TUSC3: variants seen among roughly 807,000 people sequenced by gnomAD.
The protein encoded by TUSC3 is tumor suppressor candidate 3.
In TUSC3, 45 loss-of-function variants were observed where a neutral mutation model predicts 44.8. The ratio of observed to expected loss-of-function variants is 1.00; its 90% confidence interval spans 0.79 to 1.29. TUSC3 has a LOEUF of 1.29. Among genes scored for constraint, TUSC3 ranks in the 50% most tolerant of loss-of-function variants. TUSC3 has a pLI of 0.00. For missense variants in TUSC3, 519 were observed against 437.9 expected (o/e 1.19, Z -1.65); for synonymous variants, 212 against 152.9 (o/e 1.39, Z -2.85).
At chr8:15,725,629 G>A (rs1051357162) in intron 6 of TUSC3, among the ~76,000 whole-genome samples, 3 of 152,066 alleles carry the variant, frequency 2.0e-5, no homozygotes, top group South Asian at 2.1e-4. Flanking sequence ...TGATGATGAC[G>A]GTAGATTACA....
At chr8:15,670,071 C>T (rs1476596764) in intron 5 of TUSC3, among the ~76,000 whole-genome samples, 2 of 151,892 alleles carry the variant, frequency 1.3e-5, no homozygotes, top group East Asian at 3.9e-4. Flanking sequence ...AAAAGATATG[C>T]ACACTGAAAA....
At chr8:15,522,818 G>C (rs921867734) in intron 2 of TUSC3, among the ~76,000 whole-genome samples, 9 of 152,102 alleles carry the variant, frequency 5.9e-5, no homozygotes, top group South Asian at 2.1e-4. Flanking sequence ...ACCTCTGACA[G>C]GCTCAAGAAT....
the TUSC3 span, among the ~76,000 whole-genome samples, chr8:15,836,026 A>AT: frequency 6.6e-6 from 1 of 151,980 alleles, no homozygotes; most frequent in Non-Finnish European, 1.5e-5. Flanking sequence ...ACTTTATTTC[A>AT]GTTTTTTTCT....
At chr8:15,784,548 GCACA>G in the TUSC3 span, among the ~76,000 whole-genome samples, 1 of 151,230 alleles carries the variant, frequency 6.6e-6, no homozygotes, top group African/African-American at 2.4e-5. Context: ...GTGTGTGTAT[GCACA>G]CACACACACC....
chr8:15,640,662 G>A (rs187393257), intron 2 of TUSC3, among the ~76,000 whole-genome samples: 47 of 152,190 alleles, frequency 3.1e-4, no homozygotes, highest in East Asian at 2.9e-3. Context: ...GCTTTTTGTC[G>A]TGGAACTGGA....
At chr8:15,537,442 T>C (rs1817083897), upstream of TUSC3, among the ~76,000 whole-genome samples, 1 of 152,294 alleles carries the variant, frequency 6.6e-6, no homozygotes, top group Non-Finnish European at 1.5e-5. Context: ...CGGGCACATG[T>C]TCTCAGGACC....
At chr8:15,539,831 T>A (rs962066473), upstream of TUSC3, among the ~76,000 whole-genome samples, 1 of 152,042 alleles carries the variant, frequency 6.6e-6, no homozygotes, top group African/African-American at 2.4e-5. Flanking sequence ...AAGGAACAGT[T>A]GTGAAGTTGT....
At chr8:15,648,517 G>A (rs1014781022) in intron 2 of TUSC3, among the ~76,000 whole-genome samples, 2 of 151,622 alleles carry the variant, frequency 1.3e-5, no homozygotes, top group Non-Finnish European at 2.9e-5. Context: ...ACGAGGTCAG[G>A]AGATCGAGAC....
chr8:15,433,320 G>C (rs545090261), intron 1 of TUSC3, among the ~76,000 whole-genome samples: 1 of 152,018 alleles, frequency 6.6e-6, no homozygotes, highest in Non-Finnish European at 1.5e-5. Flanking sequence ...GTCAAATTTG[G>C]TGTCAGTGAG....
chr8:15,492,911 A>T (rs1314042193), intron 2 of TUSC3, among the ~76,000 whole-genome samples: 1 of 152,220 alleles, frequency 6.6e-6, no homozygotes, highest in East Asian at 1.9e-4. Context: ...CTCTTCAACA[A>T]GTCCTAAAAC....
intron 1 of TUSC3, among the ~76,000 whole-genome samples, chr8:15,606,887 AC>A (rs1187077362): frequency 6.6e-6 from 1 of 151,918 alleles, no homozygotes; most frequent in African/African-American, 2.4e-5. Context: ...GTTTTAACTT[AC>A]GTTTTCCAGT....
rs139794595 is a variant in TUSC3 at position 15,602,272 on chromosome 8, G to T, written c.139-20808G>T. Among the ~76,000 whole-genome samples the T allele has an allele frequency of 2.7e-4, 41 of 151,686 alleles. 1 individual carries two copies. In the East Asian group the frequency reaches 5.2e-3, roughly 19 times the overall value. ...GAATAAATCTATTTTCTTATTGCCT[G>T]TTGTTCATGCAGAACTATTTAGCTT... On this transcript the variant is annotated intron_variant, in intron 1 of 10. Coordinates refer to ENST00000503731, the MANE Select transcript of TUSC3 (RefSeq NM_006765.4).
chr8:15,584,623 G>C (rs1803518564), intron 1 of TUSC3, among the ~76,000 whole-genome samples: 1 of 152,040 alleles, frequency 6.6e-6, no homozygotes, highest in Admixed American at 6.6e-5. Flanking sequence ...AGGTAATTGA[G>C]TCAATACAGT....
At chr8:15,468,060 T>A (rs2129122630) in intron 1 of TUSC3, among the ~76,000 whole-genome samples, 1 of 152,328 alleles carries the variant, frequency 6.6e-6, no homozygotes, top group African/African-American at 2.4e-5. Flanking sequence ...AAAAAGAGAA[T>A]GAGTATCAGG....
At chr8:15,689,189 A>C in intron 6 of TUSC3, 1 of 370,744 alleles carries the variant, frequency 2.7e-6, no homozygotes, top group Non-Finnish European at 5.3e-6. Flanking sequence ...AATAAGCAGC[A>C]AGGGCTGCTA....
chr8:15,582,583 G>A (rs1462796223), intron 1 of TUSC3, among the ~76,000 whole-genome samples: 1 of 152,162 alleles, frequency 6.6e-6, no homozygotes, highest in Non-Finnish European at 1.5e-5. Context: ...CATTGTGAAA[G>A]TTGATCATAC....
intron 1 of TUSC3, among the ~76,000 whole-genome samples, chr8:15,440,079 T>A (rs1413390307): frequency 6.6e-6 from 1 of 152,208 alleles, no homozygotes; most frequent in Admixed American, 6.5e-5. Flanking sequence ...CACTTACGCA[T>A]GTGTAACTAC....
intron 3 of TUSC3, among the ~76,000 whole-genome samples, chr8:15,658,764 A>G (rs1441431225): frequency 6.6e-6 from 1 of 151,894 alleles, no homozygotes; most frequent in Non-Finnish European, 1.5e-5. Context: ...AAATTAACCT[A>G]ATATATGTTT....
chr8:15,672,749 T>C (rs541722370), intron 5 of TUSC3, among the ~76,000 whole-genome samples: 24 of 152,198 alleles, frequency 1.6e-4, no homozygotes, highest in African/African-American at 5.8e-4. Flanking sequence ...ATATCGTTTT[T>C]TATTTGCCCC....
Sources: gnomAD v4.1 joint callset for allele counts (sites outside exome capture counted in the v4.1 genomes callset) on GRCh38, gnomAD v4.1.1 for gene constraint, MANE v1.5 for transcripts, NCBI Gene and HGNC (gene_info 2026-07-23, HGNC 2026-07-21) for gene names.